MTCL3: variants seen among roughly 807,000 people sequenced by gnomAD.
The protein encoded by MTCL3 is MTCL family member 3.
At chr6:127,507,162 G>A in the MTCL3 span, among the ~76,000 whole-genome samples, 19 of 152,248 alleles carry the variant, frequency 1.2e-4, no homozygotes, top group South Asian at 1.7e-3. Context: ...AGCCCATTAC[G>A]TTGCATACAT....
At chr6:127,514,924 G>A in the MTCL3 span, 3 of 1,614,212 alleles carry the variant, frequency 1.9e-6, no homozygotes, top group South Asian at 1.1e-5. Context: ...CGGTACTGCA[G>A]GATCCGGCAG....
At chr6:127,508,500 A>C in the MTCL3 span, among the ~76,000 whole-genome samples, 1 of 152,218 alleles carries the variant, frequency 6.6e-6, no homozygotes, top group Admixed American at 6.5e-5. Flanking sequence ...GTGCACAAAA[A>C]ATAAAAGTCC....
At chr6:127,491,106 T>C in the MTCL3 span, among the ~76,000 whole-genome samples, 2 of 152,256 alleles carry the variant, frequency 1.3e-5, no homozygotes, top group African/African-American at 4.8e-5. Context: ...ATGAACTGTA[T>C]TCCTTGTGAA....
the MTCL3 span, among the ~76,000 whole-genome samples, chr6:127,489,064 C>G: frequency 6.6e-6 from 1 of 152,144 alleles, no homozygotes; most frequent in Non-Finnish European, 1.5e-5. Context: ...TCTATTCGTG[C>G]AATTTTTCTA....
At chr6:127,476,821 G>A in the MTCL3 span, among the ~76,000 whole-genome samples, 1 of 152,204 alleles carries the variant, frequency 6.6e-6, no homozygotes, top group African/African-American at 2.4e-5. This position sits in a 1 kb window ranked among gnomAD's most constrained non-coding sequence, Gnocchi z 4.4. Context: ...TATAAAATCT[G>A]TTCAACGAGC....
the MTCL3 span, chr6:127,518,810 C>T: frequency 1.3e-5 from 2 of 152,238 alleles, no homozygotes; most frequent in South Asian, 4.1e-4. Context: ...TCAGCTGCCC[C>T]CAGAGCGGGT....
the MTCL3 span, among the ~76,000 whole-genome samples, chr6:127,507,842 C>CAAAAAAAAA: frequency 5.4e-4 from 44 of 82,062 alleles, no homozygotes; most frequent in African/African-American, 1.0e-3. Context: ...GACTATGTCT[C>CAAAAAAAAA]AAAAAAAAAA....
At chr6:127,515,597 G>C in the MTCL3 span, 1 of 1,431,086 alleles carries the variant, frequency 7.0e-7, no homozygotes, top group Non-Finnish European at 9.1e-7. This position sits in a 1 kb window ranked among gnomAD's most constrained non-coding sequence, Gnocchi z 4.3. Flanking sequence ...GGGTGCGGCT[G>C]CGACGAAGGG....
the MTCL3 span, among the ~76,000 whole-genome samples, chr6:127,489,368 G>T: frequency 6.6e-6 from 1 of 152,100 alleles, no homozygotes; most frequent in South Asian, 2.1e-4. Flanking sequence ...CCCTACAATG[G>T]CCTCTAAGTT....
chr6:127,511,152 G>T, the MTCL3 span, among the ~76,000 whole-genome samples: 4 of 152,258 alleles, frequency 2.6e-5, no homozygotes, highest in African/African-American at 9.6e-5. Flanking sequence ...AGCCATAGAG[G>T]GAGGCCTGGA....
the MTCL3 span, among the ~76,000 whole-genome samples, chr6:127,500,656 T>A: frequency 2.0e-5 from 3 of 152,218 alleles, no homozygotes; most frequent in African/African-American, 7.2e-5. Flanking sequence ...TAGTTATTTT[T>A]CCTGATCTTC....
the MTCL3 span, among the ~76,000 whole-genome samples, chr6:127,481,819 T>C: frequency 6.6e-6 from 1 of 152,164 alleles, no homozygotes; most frequent in African/African-American, 2.4e-5. Context: ...CATTCCCAGA[T>C]GGTTAAGGAT....
the MTCL3 span, among the ~76,000 whole-genome samples, chr6:127,499,385 G>A: frequency 7.2e-5 from 11 of 152,042 alleles, no homozygotes; most frequent in Admixed American, 3.3e-4. Flanking sequence ...GCAGAAAATT[G>A]ATTCCATAAT....
chr6:127,516,935 C>T, the MTCL3 span, among the ~76,000 whole-genome samples: 4 of 152,248 alleles, frequency 2.6e-5, no homozygotes, highest in Admixed American at 6.5e-5. Context: ...GCAGCTGAAC[C>T]TTACATTCTC....
At chr6:127,475,947 G>C in the MTCL3 span, 33 of 1,612,422 alleles carry the variant, frequency 2.0e-5, no homozygotes, top group Non-Finnish European at 2.7e-5. The surrounding 1 kb of genome is among the most constrained non-coding windows in gnomAD (Gnocchi z 7.3). Flanking sequence ...TGGCGTTGTC[G>C]TGGTGCCGCG....
chr6:127,487,099 C>T, the MTCL3 span, among the ~76,000 whole-genome samples: 1 of 152,166 alleles, frequency 6.6e-6, no homozygotes, highest in African/African-American at 2.4e-5. Flanking sequence ...AGACTGACAA[C>T]AGACTTATTG....
At chr6:127,491,762 T>C in the MTCL3 span, among the ~76,000 whole-genome samples, 1 of 151,490 alleles carries the variant, frequency 6.6e-6, no homozygotes, top group Non-Finnish European at 1.5e-5. Context: ...TCCTAGCTAC[T>C]TAGGAAGCTG....
chr6:127,473,766 T>G, the MTCL3 span, among the ~76,000 whole-genome samples: 1 of 152,246 alleles, frequency 6.6e-6, no homozygotes. Context: ...TTTAAATGTC[T>G]TCCGTGTCTT....
At chr6:127,501,511 CTAATG>C in the MTCL3 span, among the ~76,000 whole-genome samples, 7 of 152,066 alleles carry the variant, frequency 4.6e-5, no homozygotes, top group Non-Finnish European at 1.0e-4. Context: ...AGGTTCTTGG[CTAATG>C]TAATGGTAAG....
Sources: allele counts gnomAD v4.1 joint callset (sites outside exome capture counted in the v4.1 genomes callset), GRCh38; gene constraint gnomAD v4.1.1; non-coding constraint Gnocchi (gnomAD v3.1); transcripts MANE v1.5; gene names NCBI Gene and HGNC (gene_info 2026-07-23, HGNC 2026-07-21).